SYNE2: variants seen among roughly 807,000 people sequenced by gnomAD.
SYNE2 encodes nesprin-2.
Under a neutral mutation model 856.3 loss-of-function variants are expected in SYNE2, and 431 were observed. The observed-to-expected ratio is 0.50, with a 90% CI of 0.47 to 0.55. The LOEUF (loss-of-function observed/expected upper bound fraction) is 0.55. SYNE2 is among the 20% of genes least tolerant of loss of function. The pLI, the probability that SYNE2 is intolerant of heterozygous loss-of-function variation, is 0.00. For missense variants in SYNE2, 8,129 were observed against 8,023.2 expected, an observed-to-expected ratio of 1.01 and a Z score of -0.50; for synonymous variants, 2,923 against 2,872.3, an observed-to-expected ratio of 1.02 and a Z score of -0.56.
intron 6 of SYNE2, among the ~76,000 whole-genome samples, chr14:63,944,477 A>G (rs1287202493): frequency 6.6e-6 from 1 of 150,672 alleles, no homozygotes; most frequent in African/African-American, 2.4e-5. Flanking sequence ...AATTCTTAGA[A>G]GTGGCATTGT....
chr14:63,816,582 C>G (rs150396371), intron 1 of SYNE2, among the ~76,000 whole-genome samples: 16 of 152,076 alleles, frequency 1.1e-4, no homozygotes, highest in African/African-American at 3.9e-4. Context: ...CTGACCTCCC[C>G]CTAAAGCTCG....
At chr14:64,123,200 C>T (rs1271180215) in intron 70 of SYNE2, among the ~76,000 whole-genome samples, 2 of 152,198 alleles carry the variant, frequency 1.3e-5, no homozygotes, top group Admixed American at 6.5e-5. Flanking sequence ...ACGCCTGTGC[C>T]GATGGCACTG....
intron 52 of SYNE2, among the ~76,000 whole-genome samples, chr14:64,071,484 ACT>A (rs1216334903): frequency 1.3e-5 from 2 of 151,950 alleles, no homozygotes; most frequent in Admixed American, 6.6e-5. Context: ...ACAGAGTGAG[ACT>A]CTGTCTCAAA....
chr14:64,216,128 ACATG>A, intron 107 of SYNE2, 116 bp from the exon 108 acceptor site: 1 of 1,571,932 alleles, frequency 6.4e-7, no homozygotes, highest in East Asian at 2.3e-5. Context: ...CATTTTGCAA[ACATG>A]CATGCTTTGC....
intron 50 of SYNE2, among the ~76,000 whole-genome samples, chr14:64,063,560 T>C (rs1316845207): frequency 6.6e-6 from 1 of 152,266 alleles, no homozygotes; most frequent in Non-Finnish European, 1.5e-5. Flanking sequence ...TTACTGCAAC[T>C]GTCATAAGCT....
chr14:63,789,288 A>C (rs1015240319), intron 1 of SYNE2, among the ~76,000 whole-genome samples: 24 of 152,078 alleles, frequency 1.6e-4, no homozygotes, highest in African/African-American at 5.8e-4. Flanking sequence ...TCCCTTCACT[A>C]TCCTGGTGCT....
chr14:63,763,359 G>T (rs1886560050), intron 1 of SYNE2, among the ~76,000 whole-genome samples: 1 of 152,110 alleles, frequency 6.6e-6, no homozygotes, highest in African/African-American at 2.4e-5. Context: ...GCAAAATAAA[G>T]CACATTTTAA....
chr14:64,070,603 G>A (rs1249936417), intron 51 of SYNE2, 42 bp from the exon 52 acceptor site: 2 of 1,552,254 alleles, frequency 1.3e-6, no homozygotes, highest in South Asian at 1.2e-5. Context: ...AAATGTAATT[G>A]TATATTTTAC....
intron 1 of SYNE2, among the ~76,000 whole-genome samples, chr14:63,833,580 G>C (rs1889744793): frequency 6.6e-6 from 1 of 152,114 alleles, no homozygotes; most frequent in African/African-American, 2.4e-5. Flanking sequence ...CTAATATACT[G>C]TTTATCCGTT....
At chr14:64,196,054 A>G (rs932691508) in intron 99 of SYNE2, among the ~76,000 whole-genome samples, 1 of 152,212 alleles carries the variant, frequency 6.6e-6, no homozygotes, top group African/African-American at 2.4e-5. Flanking sequence ...AGGCAGGTCC[A>G]GTGTACTGAG....
intron 96 of SYNE2, among the ~76,000 whole-genome samples, chr14:64,180,441 C>T (rs907345481): frequency 2.0e-5 from 3 of 151,392 alleles, no homozygotes; most frequent in African/African-American, 7.3e-5. Flanking sequence ...TGCTCATGCT[C>T]ATGACTGTGG....
At chr14:63,887,748 G>GTT (rs1434604869) in intron 1 of SYNE2, among the ~76,000 whole-genome samples, 2 of 136,544 alleles carry the variant, frequency 1.5e-5, no homozygotes, top group Non-Finnish European at 3.1e-5. Context: ...TGTGAGTCCT[G>GTT]CTTTTTTTTT....
At chr14:64,003,653 C>T (rs2096772433) in intron 30 of SYNE2, among the ~76,000 whole-genome samples, 1 of 152,158 alleles carries the variant, frequency 6.6e-6, no homozygotes, top group South Asian at 2.1e-4. Flanking sequence ...GTGGAGTTCT[C>T]CTCAGGACAG....
rs1040683061 is a variant in SYNE2, at chr14:63,853,098, C to G, written c.-97C>G. ...AGAGCCAGGCAAGCGGGGCGCCGAC[C>G]TCGGGCGGCCCCGGCCCGCGCCCTT... On this transcript the variant is annotated 5_prime_UTR_variant, in exon 1 of 116. Transcript: ENST00000555002. The G allele has an allele frequency of 3.3e-5, 5 of 151,862 alleles. No individual in the cohort carries two copies. In the East Asian group the frequency reaches 9.7e-4, roughly 29 times the overall value. The allele number at this position is 151,862 out of a possible 1,614,324, so 9.4% of individuals were successfully genotyped here.
intron 1 of SYNE2, among the ~76,000 whole-genome samples, chr14:63,792,239 G>A (rs1225936214): frequency 6.6e-6 from 1 of 152,100 alleles, no homozygotes; most frequent in East Asian, 1.9e-4. Flanking sequence ...AAGATATAAT[G>A]TAAATGTAAA....
chr14:63,924,404 G>C (rs1471054226), intron 2 of SYNE2, among the ~76,000 whole-genome samples: 3 of 152,058 alleles, frequency 2.0e-5, no homozygotes, highest in Admixed American at 2.0e-4. Context: ...AAAAATGGCA[G>C]CTAAGATTTG....
intron 44 of SYNE2, 34 bp downstream of exon 44, chr14:64,030,093 A>T (rs757907640): frequency 4.6e-5 from 50 of 1,083,534 alleles, no homozygotes; most frequent in Admixed American, 7.2e-5. Context: ...ATAGACATTT[A>T]AAAAAAAAAA....
In SYNE2 at chr14:64,122,078, A is replaced by G. The variant is rs1333426322; in HGVS notation, c.13225A>G (p.Met4409Val). Reference protein sequence around the residue: ...IKFIEFNAKKMWPQYCQHDND... With the variant: ...IKFIEFNAKKVWPQYCQHDND... ...ATTCATAGAATTTAATGCTAAGAAAATGTGGCCCCAGTATTGCCAACATGA... is the reference window on the plus strand; with the variant it reads ...ATTCATAGAATTTAATGCTAAGAAAGTGTGGCCCCAGTATTGCCAACATGA... The change falls in exon 69 of 116, where the codon ATG becomes GTG. Residue 4409 changes from methionine (M) to valine (V), a missense_variant. Around this residue, in one of 3 missense-constraint regions of SYNE2, gnomAD observed 5,410 missense variants for 5,284.8 expected, o/e 1.02. Transcript: ENST00000555002. 6.2e-7 allele frequency: 1 copy of G among 1,614,086 alleles called. No individual in the cohort carries two copies. The highest frequency in any genetic ancestry group is 8.5e-7 in the Non-Finnish European group (1 of 1,180,032).
intron 2 of SYNE2, among the ~76,000 whole-genome samples, chr14:63,933,914 G>A (rs1424316100): frequency 6.6e-6 from 1 of 152,190 alleles, no homozygotes; most frequent in East Asian, 1.9e-4. Context: ...CTGCCATAGG[G>A]TGAGCTATTT....
Sources: gnomAD v4.1 joint callset for allele counts (sites outside exome capture counted in the v4.1 genomes callset) on GRCh38, gnomAD v4.1.1 for gene constraint, gnomAD v4.1.1 regional missense constraint, MANE v1.5 for transcripts, NCBI Gene and HGNC (gene_info 2026-07-23, HGNC 2026-07-21) for gene names.